Variants in CDK14 observed in about 807,000 individuals in gnomAD.
CDK14 encodes the protein cyclin-dependent kinase 14.
In CDK14, 34 loss-of-function variants were observed where a neutral mutation model predicts 60.7. The observed-to-expected ratio is 0.56, with a 90% CI of 0.43 to 0.75. The LOEUF is 0.75. Among genes scored for constraint, CDK14 ranks in the 30% least tolerant of loss-of-function variants. CDK14 has a pLI of 0.00. For synonymous variants in CDK14, 197 were observed against 203.7 expected, an observed-to-expected ratio of 0.97 and a Z score of 0.28; for missense variants, 482 against 564.1, an observed-to-expected ratio of 0.85 and a Z score of 1.47.
At chr7:90,767,297 A>G (rs4727241) in intron 4 of CDK14, among the ~76,000 whole-genome samples, 97,437 of 152,088 alleles carry the variant, frequency 0.64, 31,666 homozygotes, top group East Asian at 0.96. Flanking sequence ...AAGCACATCC[A>G]TGTACCTTAT....
At chr7:91,092,021 G>A (rs1328446402) in intron 12 of CDK14, among the ~76,000 whole-genome samples, 9 of 152,088 alleles carry the variant, frequency 5.9e-5, no homozygotes, top group Admixed American at 5.9e-4. Flanking sequence ...GATACTCAAT[G>A]TGCAGCGTTT....
chr7:90,710,593 C>T (rs538406984), intron 2 of CDK14: 10 of 957,562 alleles, frequency 1.0e-5, no homozygotes, highest in Admixed American at 6.2e-5. Context: ...ATCATTACAC[C>T]TGTAGTGGTT....
chr7:90,903,708 A>T (rs1792595842), intron 7 of CDK14, among the ~76,000 whole-genome samples: 1 of 152,184 alleles, frequency 6.6e-6, no homozygotes, highest in African/African-American at 2.4e-5. Context: ...AACTAAAAGA[A>T]AAGATTTGGA....
rs1412055374 is a variant in CDK14 at position 90,711,372 on chromosome 7, C to CT, written c.124-15186dup. Among the ~76,000 whole-genome samples the CT allele has an allele frequency of 9.3e-5, 14 of 150,324 alleles. 1 individual carries two copies. Among genetic ancestry groups the CT allele is most frequent in the South Asian group, 4.2e-4 (2 of 4,746 alleles). On this transcript the variant is annotated intron_variant, in intron 2 of 14. Coordinates refer to ENST00000380050, the MANE Select transcript of CDK14 (RefSeq NM_001287135.2). ...AAATTTACCTCTCTTTTTTTTTAAA[C>CT]TTTTTTTTTCTGTTTGGAAGATGAT...
intron 2 of CDK14, among the ~76,000 whole-genome samples, chr7:90,720,141 A>C (rs562090937): frequency 1.1e-4 from 16 of 152,220 alleles, no homozygotes; most frequent in Non-Finnish European, 2.1e-4. Context: ...TGGAAGAGAT[A>C]ATCAGGTTGT....
At chr7:90,788,126 G>T (rs1183672165) in intron 4 of CDK14, among the ~76,000 whole-genome samples, 3 of 152,156 alleles carry the variant, frequency 2.0e-5, no homozygotes, top group Non-Finnish European at 4.4e-5. Flanking sequence ...GCTCTCAAGA[G>T]AAATGGAAAG....
intron 2 of CDK14, among the ~76,000 whole-genome samples, chr7:90,627,926 T>C (rs1584751312): frequency 1.3e-5 from 2 of 152,316 alleles, no homozygotes; most frequent in East Asian, 3.9e-4. Context: ...GAATGCTTTT[T>C]GTTTGTGATT....
At chr7:90,777,271 T>A (rs1311478511) in intron 4 of CDK14, among the ~76,000 whole-genome samples, 1 of 152,182 alleles carries the variant, frequency 6.6e-6, no homozygotes, top group Non-Finnish European at 1.5e-5. Flanking sequence ...AGGTGCTGTT[T>A]CAGTATCTCT....
chr7:90,788,038 C>G (rs549529334), intron 4 of CDK14, among the ~76,000 whole-genome samples: 2 of 152,240 alleles, frequency 1.3e-5, no homozygotes, highest in Admixed American at 1.3e-4. Context: ...GAATGTACTT[C>G]AAGTACACAA....
intron 4 of CDK14, among the ~76,000 whole-genome samples, chr7:90,757,256 G>GTGTGTGTGTGTGTGTGTGTC (rs1554330398): frequency 6.8e-6 from 1 of 147,410 alleles, no homozygotes; most frequent in South Asian, 2.2e-4. Flanking sequence ...GTGTGTCTGT[G>GTGTGTGTGTGTGTGTGTGTC]TGTGTCTGTG....
intron 14 of CDK14, among the ~76,000 whole-genome samples, chr7:91,200,394 G>A (rs1430837770): frequency 6.6e-6 from 1 of 152,172 alleles, no homozygotes; most frequent in Non-Finnish European, 1.5e-5. Context: ...AATGCTTCTT[G>A]AAGATGAATT....
intron 13 of CDK14, 131 bp downstream of exon 13, chr7:91,112,812 G>A: frequency 3.3e-6 from 3 of 903,120 alleles, no homozygotes; most frequent in Non-Finnish European, 5.1e-6. Context: ...ATGTTTGTAT[G>A]TGCATTACAG....
intron 5 of CDK14, among the ~76,000 whole-genome samples, chr7:90,818,315 T>G (rs1381519875): frequency 2.0e-5 from 3 of 152,336 alleles, no homozygotes; most frequent in African/African-American, 7.2e-5. Context: ...TGGAACTTAT[T>G]TACATCACAC....
At chr7:90,608,895 C>G (rs1405655422) in intron 2 of CDK14, among the ~76,000 whole-genome samples, 1 of 152,204 alleles carries the variant, frequency 6.6e-6, no homozygotes, top group Non-Finnish European at 1.5e-5. Context: ...TATAGGTTAA[C>G]TTGCTTACTT....
intron 9 of CDK14, among the ~76,000 whole-genome samples, chr7:90,967,827 C>T: frequency 6.6e-6 from 1 of 152,042 alleles, no homozygotes; most frequent in South Asian, 2.1e-4. Context: ...ATTTCTAATC[C>T]AGTGAAGGTG....
At chr7:91,092,808 C>T (rs1249853590) in intron 12 of CDK14, among the ~76,000 whole-genome samples, 1 of 152,148 alleles carries the variant, frequency 6.6e-6, no homozygotes, top group African/African-American at 2.4e-5. Flanking sequence ...TGAAATACAT[C>T]CTGCAGATTT....
chr7:91,141,887 G>A lies in CDK14; in HGVS notation c.*28+23679G>A, dbSNP rs191926678. On this transcript the variant is annotated intron_variant, in intron 14 of 14. Coordinates refer to ENST00000380050, the MANE Select transcript of CDK14 (RefSeq NM_001287135.2). Reference sequence around the variant, plus strand: ...GTCACCCAGGCTGGAGTGCAGTGGCGTGATCTCCGCTCACTGCAAGCTCCG... The same window carrying A: ...GTCACCCAGGCTGGAGTGCAGTGGCATGATCTCCGCTCACTGCAAGCTCCG... Among the ~76,000 whole-genome samples, 179 of 152,010 alleles carry A rather than the reference G, an allele frequency of 1.2e-3. 2 individuals carry two copies. The highest frequency in any genetic ancestry group is 1.4e-3 in the Admixed American group (21 of 15,280).
intron 11 of CDK14, among the ~76,000 whole-genome samples, chr7:91,076,333 A>T (rs1464293370): frequency 2.0e-5 from 3 of 151,394 alleles, no homozygotes; most frequent in Non-Finnish European, 4.4e-5. Flanking sequence ...CAGAAACCTC[A>T]GAAACAATGC....
intron 2 of CDK14, among the ~76,000 whole-genome samples, chr7:90,716,793 C>A (rs181154538): frequency 6.6e-4 from 100 of 152,102 alleles, no homozygotes; most frequent in African/African-American, 2.3e-3. Flanking sequence ...CAAATTTTCC[C>A]TCTAAATTTG....
Sources: gnomAD v4.1 joint callset for allele counts (sites outside exome capture counted in the v4.1 genomes callset) on GRCh38, gnomAD v4.1.1 for gene constraint, MANE v1.5 for transcripts, NCBI Gene and HGNC (gene_info 2026-07-23, HGNC 2026-07-21) for gene names.